Variants in TRRAP observed in about 807,000 individuals in gnomAD.
TRRAP encodes transformation/transcription domain-associated protein.
A neutral mutation model predicts 438.8 loss-of-function variants in TRRAP; 41 were observed. That is an observed-to-expected ratio of 0.09 (90% confidence interval 0.07 to 0.12). The LOEUF (loss-of-function observed/expected upper bound fraction) is 0.12. Ranked by LOEUF, TRRAP falls within the 10% of genes least tolerant of loss-of-function variation. TRRAP has a pLI of 1.00. For missense variants in TRRAP, 3,122 were observed against 5,055.1 expected (o/e 0.62, Z 11.60); for synonymous variants, 1,994 against 1,962.9 (o/e 1.02, Z -0.42).
chr7:98,999,238 A>G (rs1208190900), intron 67 of TRRAP: 2 of 1,196,960 alleles, frequency 1.7e-6, no homozygotes, highest in Non-Finnish European at 2.5e-6. Context: ...AAGTACATGC[A>G]TTCACTGCCC....
chr7:98,920,456 C>T (rs1205369179), intron 20 of TRRAP, among the ~76,000 whole-genome samples: 12 of 148,510 alleles, frequency 8.1e-5, no homozygotes, highest in African/African-American at 2.2e-4. Flanking sequence ...GTTGACAGAG[C>T]GAGACTCCGT....
intron 3 of TRRAP, among the ~76,000 whole-genome samples, chr7:98,884,931 G>C (rs1795624928): frequency 6.6e-6 from 1 of 152,042 alleles, no homozygotes. Context: ...TGGTTTACCT[G>C]GGTACCAGTT....
At chr7:98,974,690 G>A (rs1792573259) in intron 53 of TRRAP, among the ~76,000 whole-genome samples, 1 of 152,024 alleles carries the variant, frequency 6.6e-6, no homozygotes, top group African/African-American at 2.4e-5. Flanking sequence ...TATAATGCTG[G>A]AAAAAAACAA....
At position 98,978,920 on chromosome 7, in the gene TRRAP, G is replaced by A. The variant is rs373124378; in HGVS notation, c.8634+16G>A. On this transcript the variant is annotated intron_variant, in intron 58 of 72. Coordinates refer to ENST00000456197, the MANE Select transcript of TRRAP (RefSeq NM_001375524.1). ...GCTGGTGCAGGTGAGACGCCCCGGG[G>A]GCATCCCTGCCGCTGCCTGGGTCCC... is the stretch of plus-strand genomic sequence containing the variant. 1.7e-5 allele frequency: 27 copies of A among 1,612,966 alleles called. No individual in the cohort carries two copies. Among genetic ancestry groups the A allele is most frequent in the Non-Finnish European group, 2.2e-5 (26 of 1,179,974 alleles).
rs761434736 is a variant in TRRAP at position 98,984,928 on chromosome 7, C to T, written c.9289-16C>T. The stretch of plus-strand genomic sequence containing the variant: ...AAATTTCAAGAACTTTTTTTCTGCT[C>T]ATTTTTTTTGAACAGGGCCTTGAAG... On this transcript the variant is annotated splice_polypyrimidine_tract_variant and intron_variant, in intron 61 of 72. Transcript: ENST00000456197. The T allele has an allele frequency of 1.9e-6, 3 of 1,560,502 alleles. No homozygotes were observed. Among genetic ancestry groups the T allele is most frequent in the Admixed American group, 1.9e-5 (1 of 53,248 alleles).
intron 41 of TRRAP, 57 bp downstream of exon 41, chr7:98,955,361 C>A: frequency 6.6e-7 from 1 of 1,510,810 alleles, no homozygotes; most frequent in South Asian, 1.2e-5. Context: ...TCACTTTGAA[C>A]CTTTACCTTG....
At chr7:98,975,596 G>A (rs146565058) in intron 53 of TRRAP, among the ~76,000 whole-genome samples, 6 of 152,302 alleles carry the variant, frequency 3.9e-5, no homozygotes, top group East Asian at 3.9e-4. Flanking sequence ...TTGTCCAGGC[G>A]TTCCGTTCCA....
chr7:98,879,756 C>A (rs1025080687), intron 1 of TRRAP, among the ~76,000 whole-genome samples: 1 of 152,182 alleles, frequency 6.6e-6, no homozygotes, highest in African/African-American at 2.4e-5. Flanking sequence ...TGTTGTGGGA[C>A]ACCTGTGGGC....
At chr7:98,919,903 C>T (rs1270912007) in intron 20 of TRRAP, among the ~76,000 whole-genome samples, 3 of 152,224 alleles carry the variant, frequency 2.0e-5, no homozygotes, top group African/African-American at 7.2e-5. Flanking sequence ...CATCAACCAG[C>T]TAAGGCCATG....
chr7:98,995,269 C>T (rs73161946), intron 67 of TRRAP, among the ~76,000 whole-genome samples: 4,142 of 147,512 alleles, frequency 0.028, 83 homozygotes, highest in South Asian at 0.056. Flanking sequence ...GGAGATGGCA[C>T]CAGGTGGGAT....
intron 67 of TRRAP, among the ~76,000 whole-genome samples, chr7:99,000,901 C>G (rs532779702): frequency 1.3e-5 from 2 of 152,350 alleles, no homozygotes; most frequent in South Asian, 4.1e-4. Flanking sequence ...TGGTCCCTAC[C>G]ATACCTTCCA....
chr7:98,880,227 A>G (rs1230238324), intron 1 of TRRAP, among the ~76,000 whole-genome samples: 13 of 147,956 alleles, frequency 8.8e-5, no homozygotes, highest in African/African-American at 2.2e-4. Flanking sequence ...GGTTGCCCCA[A>G]TCCAGCCTGC....
At chr7:98,881,343 C>A in intron 2 of TRRAP, 93 bp downstream of exon 2, 1 of 1,158,086 alleles carries the variant, frequency 8.6e-7, no homozygotes, top group African/African-American at 1.6e-5. Flanking sequence ...GAGGCCGAGG[C>A]GGGTGGATCA....
At chr7:98,890,514 G>A in intron 4 of TRRAP, 69 bp downstream of exon 4, 1 of 1,118,892 alleles carries the variant, frequency 8.9e-7, no homozygotes. Context: ...AATTAACTCA[G>A]AAAACTTACG....
intron 3 of TRRAP, among the ~76,000 whole-genome samples, chr7:98,887,471 G>C (rs1795763112): frequency 6.6e-6 from 1 of 152,008 alleles, no homozygotes; most frequent in Non-Finnish European, 1.5e-5. Context: ...TTGGAGAGAA[G>C]CTATTTGATT....
rs782092641 is a variant in TRRAP at position 98,937,766 on chromosome 7, G to T, written c.4350G>T (p.Ser1450=). ...TGAATGTTGTGAATCGCCTGACTTC[G>T]GTCACGAGGCTCTTCCCAAATTCCT... ...LTLNVVNRLT[S]VTRLFPNSFN... is the part of the protein sequence containing the mutation. The change falls in exon 30 of 73, where the codon TCG becomes TCT. Residue 1450 remains serine, a synonymous_variant. Coordinates refer to ENST00000456197, the MANE Select transcript of TRRAP (RefSeq NM_001375524.1). The T allele has an allele frequency of 6.2e-7, 1 of 1,613,662 alleles. No individual in the cohort carries two copies. The highest frequency in any genetic ancestry group is 1.3e-5 in the African/African-American group (1 of 74,852).
intron 53 of TRRAP, among the ~76,000 whole-genome samples, chr7:98,975,412 G>T (rs987780325): frequency 6.6e-6 from 1 of 152,222 alleles, no homozygotes; most frequent in South Asian, 2.1e-4. Context: ...GCCATGTAGG[G>T]TGTCTCCTGT....
chr7:98,892,387 A>G (rs1554405040), intron 4 of TRRAP, 37 bp from the exon 5 acceptor site: 1 of 1,536,650 alleles, frequency 6.5e-7, no homozygotes, highest in Non-Finnish European at 9.0e-7. Flanking sequence ...CCTTGGAAGT[A>G]TTTTTATCCT....
At chr7:98,896,740 A>G (rs575794736) in intron 7 of TRRAP, among the ~76,000 whole-genome samples, 189 of 151,978 alleles carry the variant, frequency 1.2e-3, no homozygotes, top group Non-Finnish European at 2.5e-3. Flanking sequence ...GATAAAATTG[A>G]CTCTTTTTGG....
Sources: allele counts gnomAD v4.1 joint callset (sites outside exome capture counted in the v4.1 genomes callset), GRCh38; gene constraint gnomAD v4.1.1; transcripts MANE v1.5; gene names NCBI Gene and HGNC (gene_info 2026-07-23, HGNC 2026-07-21).